The following POU6F2 variants were observed in gnomAD, a reference collection of about 807,000 sequenced individuals.
The protein encoded by POU6F2 is POU class 6 homeobox 2, also known as POU domain, class 6, transcription factor 2.
In POU6F2, 31 loss-of-function variants were observed where a neutral mutation model predicts 71.3. That is an observed-to-expected ratio of 0.43 (90% CI 0.33 to 0.59). The LOEUF is 0.59. POU6F2 is among the 20% of genes least tolerant of loss of function. The pLI, the probability that POU6F2 is intolerant of heterozygous loss-of-function variation, is 0.04. For synonymous variants in POU6F2, 347 were observed against 355.7 expected (o/e 0.98, Z 0.27); for missense variants, 783 against 856.8 (o/e 0.91, Z 1.07).
At chr7:39,159,679 G>A (rs980685638) in intron 2 of POU6F2, among the ~76,000 whole-genome samples, 1 of 152,100 alleles carries the variant, frequency 6.6e-6, no homozygotes, top group African/African-American at 2.4e-5. Flanking sequence ...GTGGGAAGAG[G>A]TAACAAAAAG....
At chr7:39,350,328 T>C (rs1461844772) in intron 5 of POU6F2, among the ~76,000 whole-genome samples, 1 of 152,186 alleles carries the variant, frequency 6.6e-6, no homozygotes, top group Non-Finnish European at 1.5e-5. Flanking sequence ...AAGCAACATT[T>C]AGGGGTCCGG....
At chr7:39,393,887 A>G (rs976252011) in intron 5 of POU6F2, among the ~76,000 whole-genome samples, 1 of 152,210 alleles carries the variant, frequency 6.6e-6, no homozygotes, top group African/African-American at 2.4e-5. Flanking sequence ...GGTTATTGGG[A>G]TGGAAGGAAG....
intron 4 of POU6F2, among the ~76,000 whole-genome samples, chr7:39,324,144 G>A (rs1785461824): frequency 1.3e-5 from 2 of 151,508 alleles, no homozygotes; most frequent in African/African-American, 2.4e-5. Flanking sequence ...CTCTTGCAGT[G>A]ATGCAGACAA....
At chr7:39,336,650 T>G (rs929638812) in intron 4 of POU6F2, among the ~76,000 whole-genome samples, 1 of 152,156 alleles carries the variant, frequency 6.6e-6, no homozygotes, top group African/African-American at 2.4e-5. Context: ...ATGAGTCTAC[T>G]CCAGCTCCCA....
At chr7:39,102,248 T>G (rs191706249) in intron 2 of POU6F2, among the ~76,000 whole-genome samples, 126 of 152,338 alleles carry the variant, frequency 8.3e-4, no homozygotes, top group African/African-American at 3.0e-3. Context: ...GTGTCCCCAG[T>G]TGCTCTTCCC....
chr7:39,395,676 C>G (rs1042964494), intron 5 of POU6F2, among the ~76,000 whole-genome samples: 1 of 152,222 alleles, frequency 6.6e-6, no homozygotes, highest in African/African-American at 2.4e-5. Context: ...CAGAAAGAAC[C>G]TGTGTCTCAG....
intron 5 of POU6F2, chr7:39,373,686 G>A (rs1786657081): frequency 2.9e-5 from 10 of 342,020 alleles, no homozygotes; most frequent in South Asian, 2.4e-4. Context: ...TAAGCTCCCA[G>A]ATTTACATTC....
At chr7:39,066,841 T>C (rs924529977) in intron 1 of POU6F2, among the ~76,000 whole-genome samples, 20 of 148,666 alleles carry the variant, frequency 1.3e-4, no homozygotes, top group South Asian at 2.1e-4. Flanking sequence ...TTTTGCCCTA[T>C]TATATAGGTT....
intron 5 of POU6F2, among the ~76,000 whole-genome samples, chr7:39,345,078 C>T (rs1786002810): frequency 6.6e-6 from 1 of 152,060 alleles, no homozygotes; most frequent in African/African-American, 2.4e-5. Context: ...AACAAAATTT[C>T]AAATTTTTAA....
At chr7:39,245,602 A>G (rs1251342007) in intron 4 of POU6F2, among the ~76,000 whole-genome samples, 1 of 152,210 alleles carries the variant, frequency 6.6e-6, no homozygotes, top group Non-Finnish European at 1.5e-5. Context: ...TGGAAAGACT[A>G]TTAGTTCTAC....
chr7:39,185,877 A>G (rs1238227343), intron 2 of POU6F2, among the ~76,000 whole-genome samples: 2 of 148,978 alleles, frequency 1.3e-5, no homozygotes, highest in Non-Finnish European at 3.0e-5. Context: ...ATATATGTAT[A>G]TGTATATATT....
chr7:39,196,181 G>A (rs552805563), intron 2 of POU6F2, among the ~76,000 whole-genome samples: 1 of 152,302 alleles, frequency 6.6e-6, no homozygotes, highest in South Asian at 2.1e-4. Flanking sequence ...TAGTGAAAGC[G>A]AAACACTGTT....
intron 7 of POU6F2, among the ~76,000 whole-genome samples, chr7:39,444,510 G>C (rs574474988): frequency 2.4e-4 from 36 of 152,228 alleles, no homozygotes; most frequent in Non-Finnish European, 4.3e-4. Flanking sequence ...CTTGAGTCTG[G>C]GAGGCAGAGG....
chr7:39,166,642 G>T (rs932431390), intron 2 of POU6F2, among the ~76,000 whole-genome samples: 3 of 152,166 alleles, frequency 2.0e-5, no homozygotes, highest in Non-Finnish European at 4.4e-5. Flanking sequence ...CTGAGGGCTT[G>T]TCCCTACCTC....
At chr7:39,095,511 G>A (rs2128722600) in intron 2 of POU6F2, among the ~76,000 whole-genome samples, 2 of 152,260 alleles carry the variant, frequency 1.3e-5, no homozygotes, top group Middle Eastern at 6.8e-3. Flanking sequence ...TAGAATGGTG[G>A]CTACACGTCT....
intron 4 of POU6F2, among the ~76,000 whole-genome samples, chr7:39,280,779 G>A (rs984865676): frequency 1.3e-5 from 2 of 152,186 alleles, no homozygotes; most frequent in Non-Finnish European, 1.5e-5. Flanking sequence ...CGATTGCTTT[G>A]GGATTTCACT....
At chr7:39,140,995 A>G (rs963193145) in intron 2 of POU6F2, among the ~76,000 whole-genome samples, 12 of 151,932 alleles carry the variant, frequency 7.9e-5, no homozygotes, top group Admixed American at 7.9e-4. Context: ...CCCTTTTGGG[A>G]TTGTGGAGAG....
At chr7:39,183,729 A>G (rs948500236) in intron 2 of POU6F2, among the ~76,000 whole-genome samples, 1 of 152,170 alleles carries the variant, frequency 6.6e-6, no homozygotes, top group African/African-American at 2.4e-5. Flanking sequence ...TAGACCAATA[A>G]TTCTCACATT....
intron 2 of POU6F2, among the ~76,000 whole-genome samples, chr7:39,164,193 TTA>T (rs1793061719): frequency 6.6e-6 from 1 of 151,918 alleles, no homozygotes; most frequent in Admixed American, 6.6e-5. Context: ...TTGTATATAT[TTA>T]TGATATCATA....
Sources: allele counts gnomAD v4.1 joint callset (sites outside exome capture counted in the v4.1 genomes callset), GRCh38; gene constraint gnomAD v4.1.1; transcripts MANE v1.5; gene names NCBI Gene and HGNC (gene_info 2026-07-23, HGNC 2026-07-21).